The following SLC7A6 variants were observed in gnomAD, a reference collection of about 807,000 sequenced individuals.
SLC7A6 encodes the protein solute carrier family 7 member 6, also known as Y+L amino acid transporter 2.
A neutral mutation model predicts 46.6 loss-of-function variants in SLC7A6; 29 were observed. The ratio of observed to expected loss-of-function variants is 0.62; its 90% confidence interval spans 0.46 to 0.85. SLC7A6 has a LOEUF of 0.85. Among genes scored for constraint, SLC7A6 ranks in the 40% least tolerant of loss-of-function variants. The probability of loss-of-function intolerance (pLI) is 0.00; values close to 1 mark genes in which losing one functional copy is unlikely to be tolerated. For missense variants in SLC7A6, 527 were observed against 647.6 expected (o/e 0.81, Z 2.02); for synonymous variants, 276 against 257.3 (o/e 1.07, Z -0.70).
At chr16:68,272,004 C>T (rs2042631438) in intron 2 of SLC7A6, among the ~76,000 whole-genome samples, 1 of 152,004 alleles carries the variant, frequency 6.6e-6, no homozygotes, top group Non-Finnish European at 1.5e-5. Flanking sequence ...CGGGTTTCAC[C>T]ATGTTGGCCA....
intron 1 of SLC7A6, among the ~76,000 whole-genome samples, chr16:68,266,204 G>A (rs1158843213): frequency 2.0e-5 from 3 of 152,088 alleles, no homozygotes; most frequent in African/African-American, 7.2e-5. Flanking sequence ...AGGTTGCAGT[G>A]AGCCAAGATT....
chr16:68,294,198 T>C (rs1461320177), intron 7 of SLC7A6, among the ~76,000 whole-genome samples: 20 of 152,332 alleles, frequency 1.3e-4, no homozygotes, highest in Middle Eastern at 3.4e-3. Context: ...CTGGACGCTG[T>C]GCCAGTCTTT....
Position 68,298,016 on chromosome 16 carries a change from G to C in SLC7A6, c.*688G>C, listed in dbSNP as rs1183451161. On this transcript the variant is annotated 3_prime_UTR_variant, in exon 11 of 11. Coordinates refer to ENST00000219343, the MANE Select transcript of SLC7A6 (RefSeq NM_003983.6). ...TATGCTGTTTAGCACAATTTCTATT[G>C]AGTCTTACCTGCAACAATGAACCTT... is the stretch of plus-strand genomic sequence containing the variant. The C allele has an allele frequency of 6.6e-6, 1 of 152,568 alleles. No homozygotes were observed. The highest frequency in any genetic ancestry group is 6.6e-5 in the Admixed American group (1 of 15,264). The allele number at this position is 152,568 out of a possible 1,614,324, so 9.5% of individuals were successfully genotyped here. A position where few individuals can be genotyped will look rare whatever the true frequency, so the allele number is the denominator to read the frequency against.
chr16:68,301,351 C>T lies in SLC7A6; in HGVS notation c.*4023C>T, dbSNP rs760128122. The stretch of plus-strand genomic sequence containing the variant: ...ATCCAGAGGGTACTTGCTCCACATC[C>T]GCTGTCTGCTGCTGCCTCTTTCCTC... On this transcript the variant is annotated 3_prime_UTR_variant, in exon 11 of 11. Transcript: ENST00000219343. The T allele has an allele frequency of 2.5e-5, 41 of 1,613,996 alleles. No homozygotes were observed. The highest frequency in any genetic ancestry group is 1.3e-4 in the East Asian group (6 of 44,892).
In SLC7A6 at chr16:68,296,659, A is replaced by G; in HGVS notation, c.1302A>G (p.Ile434Met). The change falls in exon 10 of 11, where the codon ATA becomes ATG. Residue 434 changes from isoleucine (I) to methionine (M), a missense_variant. Transcript: ENST00000219343. ...TGTTTTTCCCCATCGTGTTCTGCAT[A>G]TGCTCCGTGTTTCTGGTGATAGTGC... is the stretch of plus-strand genomic sequence containing the variant. ...LSVFFPIVFC[I>M]CSVFLVIVPL... The G allele has an allele frequency of 6.2e-7, 1 of 1,614,102 alleles. No individual in the cohort carries two copies. The highest frequency in any genetic ancestry group is 1.1e-5 in the South Asian group (1 of 91,074).
At chr16:68,284,705 A>G (rs1000161981) in intron 3 of SLC7A6, 3 of 947,434 alleles carry the variant, frequency 3.2e-6, no homozygotes, top group Admixed American at 6.2e-5. Flanking sequence ...GCTGCAAACC[A>G]GAAGCACAGT....
chr16:68,274,776 C>T lies in SLC7A6; in HGVS notation c.50C>T (p.Pro17Leu), dbSNP rs1418559921. 1.2e-6 allele frequency: 2 copies of T among 1,614,212 alleles called. No homozygotes were observed. Among genetic ancestry groups the T allele is most frequent in the Non-Finnish European group, 1.7e-6 (2 of 1,180,030 alleles). ...GRPTPTYHLV[P>L]NTSQSQVEED... ...CCCACACCCACCTACCATCTTGTCC[C>T]TAACACCAGCCAGTCCCAGGTGGAA... Residue 17 changes from proline to leucine, a missense_variant, in exon 3 of 11, where the codon CCT (proline) becomes CTT (leucine). Pro to Leu is a moderately conservative substitution (Grantham distance 98, BLOSUM62 -3). Transcript: ENST00000219343.
At chr16:68,272,767 G>C (rs972176986) in intron 2 of SLC7A6, among the ~76,000 whole-genome samples, 1 of 152,184 alleles carries the variant, frequency 6.6e-6, no homozygotes, top group Non-Finnish European at 1.5e-5. Flanking sequence ...ATGGAATAGG[G>C]CGAGCTGTAT....
chr16:68,274,877 G>A lies in SLC7A6; in HGVS notation c.151G>A (p.Val51Ile), dbSNP rs2042681334. ...GAAGGAGATCTCCCTGCTGAATGGG[G>A]TCAGCCTGGTGGTGGGCAACATGAT... ...LKKEISLLNG[V>I]SLVVGNMIGS... The change falls in exon 3 of 11, where the codon GTC (valine) becomes ATC (isoleucine). Residue 51 changes from valine (V) to isoleucine (I), a missense_variant. By Grantham distance (29) the Val-to-Ile change is conservative (BLOSUM62 3). Transcript: ENST00000219343. 3 of 1,614,206 alleles carry A rather than the reference G, an allele frequency of 1.9e-6. No homozygotes were observed. Among genetic ancestry groups the A allele is most frequent in the Non-Finnish European group, 1.7e-6 (2 of 1,180,040 alleles).
At chr16:68,279,101 TGAG>T (rs1358812457) in intron 3 of SLC7A6, among the ~76,000 whole-genome samples, 2 of 151,524 alleles carry the variant, frequency 1.3e-5, no homozygotes, top group Non-Finnish European at 2.9e-5. Context: ...TTTGGGAGGC[TGAG>T]GAGGGAGGAT....
Position 68,300,617 on chromosome 16 carries a change from C to T in SLC7A6, c.*3289C>T. The T allele has an allele frequency of 1.0e-6, 1 of 985,280 alleles. No homozygotes were observed. Among genetic ancestry groups the T allele is most frequent in the Non-Finnish European group, 1.2e-6 (1 of 829,800 alleles). The allele number at this position is 985,280 out of a possible 1,614,324, so 61.0% of individuals were successfully genotyped here. On this transcript the variant is annotated 3_prime_UTR_variant, in exon 11 of 11. Transcript: ENST00000219343. ...AAGGTTTTCAAAGAATTACTTTCTT[C>T]CATGTTCAAAGCTAGATTTTACTAA...
At chr16:68,266,246 C>A (rs954365161) in intron 1 of SLC7A6, among the ~76,000 whole-genome samples, 1 of 151,904 alleles carries the variant, frequency 6.6e-6, no homozygotes, top group Non-Finnish European at 1.5e-5. Context: ...GGCAACAGAG[C>A]GAGACTCCAT....
At chr16:68,290,870 T>G (rs1275582088) in intron 5 of SLC7A6, 4 of 465,578 alleles carry the variant, frequency 8.6e-6, no homozygotes, top group Non-Finnish European at 1.6e-5. Context: ...CCAAAACTTA[T>G]TCTGGCCAGC....
chr16:68,272,355 G>C (rs991687190), intron 2 of SLC7A6, among the ~76,000 whole-genome samples: 1 of 152,168 alleles, frequency 6.6e-6, no homozygotes, highest in African/African-American at 2.4e-5. Flanking sequence ...CTTGAGCCTA[G>C]GAGTTGGAGG....
At chr16:68,292,280 G>A (rs2043073147) in intron 7 of SLC7A6, 1 of 152,260 alleles carries the variant, frequency 6.6e-6, no homozygotes, top group Non-Finnish European at 1.5e-5. Context: ...TAAGCGTGCT[G>A]GTCCTTCCTG....
At chr16:68,269,850 C>T (rs1424910537) in intron 2 of SLC7A6, among the ~76,000 whole-genome samples, 1 of 152,182 alleles carries the variant, frequency 6.6e-6, no homozygotes, top group Non-Finnish European at 1.5e-5. Context: ...TCACTGCAGC[C>T]TCCCAACTCC....
rs1429107087 is a variant in SLC7A6 at position 68,297,584 on chromosome 16, T to A, written c.*256T>A. The stretch of plus-strand genomic sequence containing the variant: ...AATGGTCATTTAGTTTTACTCCTGA[T>A]AGGTAGATGCAGCTCTTACAGATAT... On this transcript the variant is annotated 3_prime_UTR_variant, in exon 11 of 11. Transcript: ENST00000219343. 1 of 413,010 alleles carries A rather than the reference T, an allele frequency of 2.4e-6. No individual in the cohort carries two copies. Among genetic ancestry groups the A allele is most frequent in the Non-Finnish European group, 4.3e-6 (1 of 229,956 alleles). 25.6% of individuals were successfully genotyped at this position (413,010 alleles called of 1,614,324 possible).
At chr16:68,276,823 C>T (rs1017080784) in intron 3 of SLC7A6, among the ~76,000 whole-genome samples, 1 of 151,992 alleles carries the variant, frequency 6.6e-6, no homozygotes, top group African/African-American at 2.4e-5. Context: ...CATGGTGAGA[C>T]CCTGTCTCTA....
At chr16:68,294,193 C>T (rs776157991) in intron 7 of SLC7A6, among the ~76,000 whole-genome samples, 6 of 152,042 alleles carry the variant, frequency 3.9e-5, no homozygotes, top group African/African-American at 7.2e-5. Context: ...CATGCCTGGA[C>T]GCTGTGCCAG....
Sources: allele counts gnomAD v4.1 joint callset (sites outside exome capture counted in the v4.1 genomes callset), GRCh38; gene constraint gnomAD v4.1.1; transcripts MANE v1.5; gene names NCBI Gene and HGNC (gene_info 2026-07-23, HGNC 2026-07-21).